Variants in FRMD5 observed in about 807,000 individuals in gnomAD.
FRMD5 encodes FERM domain containing 5, also known as FERM domain-containing protein 5.
Under a neutral mutation model 69.0 loss-of-function variants are expected in FRMD5, and 20 were observed. That is an observed-to-expected ratio of 0.29 (90% CI 0.20 to 0.42). The LOEUF is 0.42. Ranked by LOEUF, FRMD5 falls within the 10% of genes least tolerant of loss-of-function variation. The pLI, the probability that FRMD5 is intolerant of heterozygous loss-of-function variation, is 1.00. For missense variants in FRMD5, 595 were observed against 708.6 expected, an observed-to-expected ratio of 0.84 and a Z score of 1.82; for synonymous variants, 271 against 260.1, an observed-to-expected ratio of 1.04 and a Z score of -0.40.
rs541935978 is a variant in FRMD5, at chr15:43,951,354, G to C, written c.103-27045C>G. ...GGAGAATGGTGTGAACCCAGGAGGC[G>C]GCACTTGCAGTGAGCCAAGATCGCG... is the stretch of plus-strand genomic sequence containing the variant. On this transcript the variant is annotated intron_variant, in intron 1 of 13. Transcript: ENST00000417257. 1.3e-3 allele frequency among the ~76,000 whole-genome samples: 203 copies of C among 151,536 alleles called. 1 individual carries two copies. The highest frequency in any genetic ancestry group is 4.8e-3 in the African/African-American group (199 of 41,258).
At chr15:43,925,230 T>C (rs2089563464) in intron 1 of FRMD5, among the ~76,000 whole-genome samples, 1 of 152,034 alleles carries the variant, frequency 6.6e-6, no homozygotes, top group Non-Finnish European at 1.5e-5. Flanking sequence ...GTCTCTAACT[T>C]CTGACCTTAG....
intron 1 of FRMD5, among the ~76,000 whole-genome samples, chr15:44,106,996 CAAGAA>C (rs2076729313): frequency 1.3e-5 from 2 of 151,994 alleles, no homozygotes; most frequent in Admixed American, 1.3e-4. Flanking sequence ...TGCATCAATT[CAAGAA>C]AAGAAAAGTT....
At position 43,885,760 on chromosome 15, in the gene FRMD5, A is replaced by G. The variant is rs1437483198; in HGVS notation, c.885-5T>C. ...ACTTGGCTTGACTTCTCCAGCCTGTAGCAAGGCAAAGTCCAGTGTGATAGA... is the reference window on the plus strand; with the variant it reads ...ACTTGGCTTGACTTCTCCAGCCTGTGGCAAGGCAAAGTCCAGTGTGATAGA... On this transcript the variant is annotated splice_polypyrimidine_tract_variant and splice_region_variant and intron_variant, in intron 10 of 13. Coordinates refer to ENST00000417257, the MANE Select transcript of FRMD5 (RefSeq NM_032892.5). The G allele has an allele frequency of 6.2e-7, 1 of 1,613,624 alleles. No homozygotes were observed. The highest frequency in any genetic ancestry group is 1.7e-5 in the Admixed American group (1 of 60,032).
intron 1 of FRMD5, among the ~76,000 whole-genome samples, chr15:43,993,397 G>T (rs532141569): frequency 2.3e-4 from 35 of 152,150 alleles, no homozygotes; most frequent in Admixed American, 5.2e-4. Flanking sequence ...GTTTCACCTT[G>T]TTGGCCAGGT....
chr15:44,116,518 A>G (rs1426909920), intron 1 of FRMD5, among the ~76,000 whole-genome samples: 1 of 152,196 alleles, frequency 6.6e-6, no homozygotes, highest in East Asian at 1.9e-4. Flanking sequence ...AAACTGTCAC[A>G]AAAGCATCTG....
rs999766905 is a variant in FRMD5 at position 44,047,560 on chromosome 15, A to G, written c.103-123251T>C. On this transcript the variant is annotated intron_variant, in intron 1 of 13. Transcript: ENST00000417257. ...ATCTATGACAAACAATTCTTTTTCA[A>G]AAATGGATTTATTGAGATATACTTT... 3.3e-5 allele frequency among the ~76,000 whole-genome samples: 5 copies of G among 152,220 alleles called. No individual in the cohort carries two copies. In the East Asian group the frequency reaches 9.6e-4, roughly 29 times the overall value.
chr15:44,017,855 C>T (rs1453849680), intron 1 of FRMD5, among the ~76,000 whole-genome samples: 1 of 151,932 alleles, frequency 6.6e-6, no homozygotes, highest in African/African-American at 2.4e-5. Flanking sequence ...GTGATCCGCC[C>T]GCCTCATCCT....
intron 1 of FRMD5, among the ~76,000 whole-genome samples, chr15:44,087,024 C>A (rs907376338): frequency 6.6e-6 from 1 of 152,044 alleles, no homozygotes; most frequent in Non-Finnish European, 1.5e-5. Flanking sequence ...GTAGTCTCTG[C>A]CCTTACCAGT....
chr15:44,198,508 G>A (rs1231825523), upstream of FRMD5, among the ~76,000 whole-genome samples: 7 of 152,024 alleles, frequency 4.6e-5, no homozygotes, highest in Admixed American at 3.9e-4. Context: ...AATAATGGAA[G>A]AAAAGCAAGA....
At chr15:43,885,589 G>T in intron 11 of FRMD5, 92 bp downstream of exon 11, 1 of 1,063,570 alleles carries the variant, frequency 9.4e-7, no homozygotes, top group Non-Finnish European at 1.5e-6. Context: ...AGTCCTCCCT[G>T]GTTTCTCTGT....
At chr15:44,138,889 A>G (rs1419423343) in intron 1 of FRMD5, among the ~76,000 whole-genome samples, 1 of 152,226 alleles carries the variant, frequency 6.6e-6, no homozygotes, top group Non-Finnish European at 1.5e-5. Flanking sequence ...TGTTCAGAAT[A>G]GACAAATCTA....
intron 1 of FRMD5, among the ~76,000 whole-genome samples, chr15:44,054,682 A>T (rs1302845829): frequency 6.6e-6 from 1 of 152,200 alleles, no homozygotes; most frequent in Non-Finnish European, 1.5e-5. Context: ...AATCATATGT[A>T]AACTCTTTGG....
intron 1 of FRMD5, among the ~76,000 whole-genome samples, chr15:44,169,380 T>TA (rs934929066): frequency 4.6e-3 from 651 of 142,884 alleles, no homozygotes; most frequent in African/African-American, 0.014. Context: ...AATCCTTCCA[T>TA]AAAAAAAAAA....
Position 44,180,822 on chromosome 15 carries a change from T to C in FRMD5, c.102+14131A>G, listed in dbSNP as rs534237922. Among the ~76,000 whole-genome samples, 41 of 152,240 alleles carry C rather than the reference T, an allele frequency of 2.7e-4. 1 individual carries two copies. The highest frequency in any genetic ancestry group is 9.4e-4 in the African/African-American group (39 of 41,558). ...ATACTGCCAAGATACCATTTCTAAA[T>C]CCTTAACTTTTATCTTTTTATTAGA... On this transcript the variant is annotated intron_variant, in intron 1 of 13. Transcript: ENST00000417257.
intron 1 of FRMD5, among the ~76,000 whole-genome samples, chr15:43,931,124 G>A (rs2089667439): frequency 6.6e-6 from 1 of 152,250 alleles, no homozygotes; most frequent in Admixed American, 6.5e-5. Flanking sequence ...CAGGTCTGAA[G>A]AAAAGCAGAC....
At chr15:43,991,018 C>T (rs567322300) in intron 1 of FRMD5, among the ~76,000 whole-genome samples, 8 of 152,110 alleles carry the variant, frequency 5.3e-5, no homozygotes, top group Admixed American at 1.3e-4. Context: ...TCAAAGAGAG[C>T]TCTGTAATTT....
At position 43,870,999 on chromosome 15, in the gene FRMD5, AAG is replaced by A. The variant is rs1265301275; in HGVS notation, c.*2884_*2885del. On this transcript the variant is annotated 3_prime_UTR_variant, in exon 14 of 14. Transcript: ENST00000417257. ...AAGATGCAGTATGCTATTCTTTAGT[AAG>A]AGTTTTATTTCCTGATAGATGAAGC... is the stretch of plus-strand genomic sequence containing the variant. 37 of 152,350 alleles carry A rather than the reference AAG, an allele frequency of 2.4e-4. No homozygotes were observed. Among genetic ancestry groups the A allele is most frequent in the African/African-American group, 8.4e-4 (35 of 41,590 alleles). 9.4% of individuals were successfully genotyped at this position (152,350 alleles called of 1,614,324 possible).
At chr15:43,994,793 C>T (rs1041579811) in intron 1 of FRMD5, among the ~76,000 whole-genome samples, 1 of 152,152 alleles carries the variant, frequency 6.6e-6, no homozygotes, top group African/African-American at 2.4e-5. Flanking sequence ...ACTTACACAC[C>T]GCCATTACAA....
At position 43,904,542 on chromosome 15, in the gene FRMD5, A is replaced by G. The variant is rs376949658; in HGVS notation, c.551+1286T>C. 2.6e-5 allele frequency among the ~76,000 whole-genome samples: 4 copies of G among 151,178 alleles called. No individual in the cohort carries two copies. In the East Asian group the frequency reaches 7.8e-4, roughly 29 times the overall value. ...GCCACCACATCTGGCTTTTTTATTT[A>G]TTTACTTTCATTTTTAGTAGAGACA... is the stretch of plus-strand genomic sequence containing the variant. On this transcript the variant is annotated intron_variant, in intron 6 of 13. Transcript: ENST00000417257.
Sources: gnomAD v4.1 joint callset for allele counts (sites outside exome capture counted in the v4.1 genomes callset) on GRCh38, gnomAD v4.1.1 for gene constraint, MANE v1.5 for transcripts, NCBI Gene and HGNC (gene_info 2026-07-23, HGNC 2026-07-21) for gene names.